Variants in TEX36 observed in about 807,000 individuals in gnomAD.
The protein encoded by TEX36 is testis-expressed protein 36.
Under a neutral mutation model 13.6 loss-of-function variants are expected in TEX36, and 12 were observed. That is an observed-to-expected ratio of 0.88 (90% CI 0.56 to 1.43). The LOEUF is 1.43. Ranked by LOEUF, TEX36 falls within the 40% of genes most tolerant of loss-of-function variation. The pLI is 0.00. For synonymous variants in TEX36, 93 were observed against 83.0 expected, an observed-to-expected ratio of 1.12 and a Z score of -0.65; for missense variants, 224 against 228.3, an observed-to-expected ratio of 0.98 and a Z score of 0.12.
chr10:125,646,723 C>T (rs1846774544), intron 3 of TEX36, among the ~76,000 whole-genome samples: 1 of 151,682 alleles, frequency 6.6e-6, no homozygotes, highest in Non-Finnish European at 1.5e-5. Flanking sequence ...CAACATTTTA[C>T]AAATCCATGT....
intron 1 of TEX36, among the ~76,000 whole-genome samples, chr10:125,680,859 G>A (rs1847382521): frequency 6.6e-6 from 1 of 152,094 alleles, no homozygotes; most frequent in Non-Finnish European, 1.5e-5. Flanking sequence ...ACGTTTCTGG[G>A]GTCTTGATAG....
At chr10:125,585,908 G>A (rs1845940664) in intron 3 of TEX36, among the ~76,000 whole-genome samples, 1 of 152,194 alleles carries the variant, frequency 6.6e-6, no homozygotes, top group South Asian at 2.1e-4. Context: ...TTCAGCCCTA[G>A]CATGGAACCC....
rs559670942 is a variant in TEX36 at position 125,606,452 on chromosome 10, C to T, written c.265-29578G>A. Among the ~76,000 whole-genome samples the T allele has an allele frequency of 2.6e-4, 40 of 152,136 alleles. 1 individual carries two copies. Among genetic ancestry groups the T allele is most frequent in the South Asian group, 2.1e-4 (1 of 4,812 alleles). On this transcript the variant is annotated intron_variant, in intron 3 of 3. Transcript: ENST00000532135. Reference sequence around the variant, plus strand: ...CTAGAAAGTTGAATTTATGTTATTCCGTCAAATCAGTATCAACCTGACCTT... The same window carrying T: ...CTAGAAAGTTGAATTTATGTTATTCTGTCAAATCAGTATCAACCTGACCTT...
chr10:125,666,863 G>A, intron 1 of TEX36: 1 of 362,874 alleles, frequency 2.8e-6, no homozygotes, highest in Non-Finnish European at 5.2e-6. Context: ...AACAGCCGGG[G>A]AACACCTCCA....
intron 3 of TEX36, among the ~76,000 whole-genome samples, chr10:125,649,928 A>G (rs1846827861): frequency 6.6e-6 from 1 of 152,250 alleles, no homozygotes; most frequent in Non-Finnish European, 1.5e-5. Context: ...AAAGGGATCA[A>G]TTTATCAAGA....
intron 1 of TEX36, among the ~76,000 whole-genome samples, chr10:125,672,319 G>A (rs1847245287): frequency 6.6e-6 from 1 of 152,068 alleles, no homozygotes; most frequent in African/African-American, 2.4e-5. Flanking sequence ...CAGAGATTCT[G>A]GTACATTGTC....
chr10:125,676,632 A>G (rs1847318292), intron 1 of TEX36, among the ~76,000 whole-genome samples: 1 of 152,010 alleles, frequency 6.6e-6, no homozygotes, highest in Admixed American at 6.5e-5. Context: ...TATTATTGAT[A>G]TGTGAGGCTT....
intron 3 of TEX36, among the ~76,000 whole-genome samples, chr10:125,645,350 C>A (rs115889599): frequency 6.6e-6 from 1 of 152,044 alleles, no homozygotes. Flanking sequence ...TTAATCCATT[C>A]GTGGATTCAT....
chr10:125,653,084 C>T (rs1404026304), downstream of TEX36, among the ~76,000 whole-genome samples: 1 of 152,164 alleles, frequency 6.6e-6, no homozygotes, highest in Non-Finnish European at 1.5e-5. Context: ...TGTGGCAATT[C>T]CTCAAGGATG....
intron 3 of TEX36, among the ~76,000 whole-genome samples, chr10:125,645,599 T>C (rs1275044461): frequency 1.3e-5 from 2 of 152,222 alleles, no homozygotes; most frequent in African/African-American, 4.8e-5. Flanking sequence ...ATTACACTTG[T>C]AGTTTATAAT....
At chr10:125,629,270 T>C (rs1483515222) in intron 3 of TEX36, among the ~76,000 whole-genome samples, 1 of 152,212 alleles carries the variant, frequency 6.6e-6, no homozygotes, top group African/African-American at 2.4e-5. Flanking sequence ...TCATATGAGA[T>C]ATTTTGAAAA....
At chr10:125,653,542 C>T (rs1018407750), downstream of TEX36, among the ~76,000 whole-genome samples, 8 of 151,500 alleles carry the variant, frequency 5.3e-5, no homozygotes, top group East Asian at 7.8e-4. Context: ...ATATAAATGA[C>T]GAGTTAACAG....
At chr10:125,640,037 G>A (rs187934120) in intron 3 of TEX36, 7 of 393,828 alleles carry the variant, frequency 1.8e-5, no homozygotes, top group East Asian at 1.6e-4. Flanking sequence ...CAGAGAAGGC[G>A]TAGTATTCCG....
chr10:125,603,328 G>C (rs112169772), intron 3 of TEX36, among the ~76,000 whole-genome samples: 1 of 152,104 alleles, frequency 6.6e-6, no homozygotes, highest in Non-Finnish European at 1.5e-5. Flanking sequence ...GAAACCTGGC[G>C]GGGGTCCAGG....
intron 3 of TEX36, among the ~76,000 whole-genome samples, chr10:125,627,951 G>C (rs1846507009): frequency 6.6e-6 from 1 of 152,214 alleles, no homozygotes; most frequent in Non-Finnish European, 1.5e-5. Context: ...GAGATTAAGA[G>C]ACTTGTCCAG....
chr10:125,619,923 C>T (rs1364437921), downstream of TEX36, among the ~76,000 whole-genome samples: 1 of 151,702 alleles, frequency 6.6e-6, no homozygotes, highest in South Asian at 2.1e-4. Flanking sequence ...CTATATATCA[C>T]CTAGGTGCAT....
At chr10:125,623,985 G>A (rs1276002740) in intron 3 of TEX36, among the ~76,000 whole-genome samples, 1 of 152,180 alleles carries the variant, frequency 6.6e-6, no homozygotes, top group African/African-American at 2.4e-5. Context: ...GTGTGGACAG[G>A]TTGGGAGGTT....
intron 3 of TEX36, among the ~76,000 whole-genome samples, chr10:125,612,940 C>G (rs1251320544): frequency 1.3e-5 from 2 of 151,836 alleles, no homozygotes; most frequent in Non-Finnish European, 2.9e-5. Flanking sequence ...AAGATAATTT[C>G]CATCATTCTT....
At chr10:125,641,400 T>C (rs569226282) in intron 3 of TEX36, among the ~76,000 whole-genome samples, 48 of 152,252 alleles carry the variant, frequency 3.2e-4, no homozygotes, top group Non-Finnish European at 6.3e-4. Flanking sequence ...CTAACCATCA[T>C]GTCTGAGGGC....
Sources: gnomAD v4.1 joint callset for allele counts (sites outside exome capture counted in the v4.1 genomes callset) on GRCh38, gnomAD v4.1.1 for gene constraint, MANE v1.5 for transcripts, NCBI Gene and HGNC (gene_info 2026-07-23, HGNC 2026-07-21) for gene names.